The following RABGAP1 variants were observed in gnomAD, a reference collection of about 807,000 sequenced individuals.
RABGAP1 encodes RAB GTPase activating protein 1.
RABGAP1 carries 23 observed loss-of-function variants against 137.6 expected under a neutral mutation model. That is an observed-to-expected ratio of 0.17 (90% CI 0.12 to 0.24). The LOEUF is 0.24. Among genes scored for constraint, RABGAP1 ranks in the 10% least tolerant of loss-of-function variants. RABGAP1 has a pLI of 1.00. For synonymous variants in RABGAP1, 451 were observed against 450.7 expected (o/e 1.00, Z -0.01); for missense variants, 906 against 1,275.8 (o/e 0.71, Z 4.42).
chr9:122,953,877 G>A (rs1196562328), intron 1 of RABGAP1, among the ~76,000 whole-genome samples: 1 of 152,086 alleles, frequency 6.6e-6, no homozygotes, highest in East Asian at 1.9e-4. Context: ...AAATAGTTGA[G>A]CACCTGCTAT....
intron 1 of RABGAP1, among the ~76,000 whole-genome samples, chr9:122,948,170 T>C (rs1400530668): frequency 2.0e-5 from 3 of 152,176 alleles, no homozygotes; most frequent in African/African-American, 4.8e-5. Flanking sequence ...ACAGGAATTA[T>C]CCTGCTACAG....
intron 10 of RABGAP1, among the ~76,000 whole-genome samples, chr9:123,010,018 C>G (rs2030655534): frequency 6.6e-6 from 1 of 152,130 alleles, no homozygotes; most frequent in Non-Finnish European, 1.5e-5. Flanking sequence ...GAACTGTTAG[C>G]TCTTTAGTTG....
chr9:122,994,412 C>G (rs1836912868), intron 6 of RABGAP1, among the ~76,000 whole-genome samples: 1 of 152,220 alleles, frequency 6.6e-6, no homozygotes, highest in Non-Finnish European at 1.5e-5. Flanking sequence ...GAGACCCTTC[C>G]ATTTCCTTAT....
intron 10 of RABGAP1, among the ~76,000 whole-genome samples, chr9:123,010,082 C>A (rs2131875272): frequency 6.6e-6 from 1 of 152,150 alleles, no homozygotes; most frequent in Non-Finnish European, 1.5e-5. Context: ...TGAAGACAAA[C>A]CAATATGGTT....
intron 7 of RABGAP1, 187 bp downstream of exon 7, chr9:122,996,338 C>T: frequency 8.4e-7 from 1 of 1,193,272 alleles, no homozygotes; most frequent in Non-Finnish European, 1.1e-6. Context: ...CTAATACGCT[C>T]TCTTCAACTA....
Position 122,949,438 on chromosome 9 carries a change from T to G in RABGAP1, c.-49-7573T>G, listed in dbSNP as rs149896945. Among the ~76,000 whole-genome samples, 1,350 of 152,028 alleles carry G rather than the reference T, an allele frequency of 8.9e-3. 16 individuals carry two copies. The highest frequency in any genetic ancestry group is 0.031 in the African/African-American group (1,276 of 41,474). ...CTGAGGCAGGAAAATCGCTTGAACC[T>G]GGGAGGCGGAGGTTACAGTGAGCTG... On this transcript the variant is annotated intron_variant, in intron 1 of 25. Transcript: ENST00000373647.
intron 13 of RABGAP1, among the ~76,000 whole-genome samples, chr9:123,055,821 G>A (rs1465560442): frequency 6.6e-6 from 1 of 152,088 alleles, no homozygotes; most frequent in East Asian, 1.9e-4. Flanking sequence ...AGAGTGCTGG[G>A]AGTACAGGCG....
At chr9:123,020,804 G>A in intron 13 of RABGAP1, 1 of 508,478 alleles carries the variant, frequency 2.0e-6, no homozygotes, top group Non-Finnish European at 2.5e-6. Flanking sequence ...ACAGAAATGT[G>A]CTCTTGGTAG....
At chr9:122,945,147 C>CTTTTCTTTTTTTTTTTTTTTTTT (rs1833873274) in intron 1 of RABGAP1, among the ~76,000 whole-genome samples, 1 of 75,770 alleles carries the variant, frequency 1.3e-5, no homozygotes. Flanking sequence ...ATAGCTGTTG[C>CTTTTCTTTTTTTTTTTTTTTTTT]TTTTTTTTTT....
intron 19 of RABGAP1, among the ~76,000 whole-genome samples, chr9:123,081,737 C>T (rs931199587): frequency 6.6e-6 from 1 of 152,124 alleles, no homozygotes; most frequent in East Asian, 1.9e-4. Flanking sequence ...GCCACTGCGC[C>T]GACCATTGTT....
chr9:122,993,358 T>G (rs1564386487), intron 6 of RABGAP1, among the ~76,000 whole-genome samples: 1 of 152,086 alleles, frequency 6.6e-6, no homozygotes. Context: ...TGCAACCTCC[T>G]TCTCCCGGGT....
chr9:122,989,196 T>A, intron 4 of RABGAP1, 101 bp from the exon 5 acceptor site: 1 of 1,085,120 alleles, frequency 9.2e-7, no homozygotes, highest in East Asian at 2.4e-5. Flanking sequence ...ACCAAATATA[T>A]GATCTTCTTA....
chr9:122,977,908 C>T (rs1289909004), intron 2 of RABGAP1, among the ~76,000 whole-genome samples: 5 of 152,128 alleles, frequency 3.3e-5, no homozygotes, highest in Non-Finnish European at 5.9e-5. Flanking sequence ...ATGCCAAAGA[C>T]AGAATCCTGG....
intron 1 of RABGAP1, among the ~76,000 whole-genome samples, chr9:122,947,728 G>A (rs889995322): frequency 3.3e-5 from 5 of 152,280 alleles, no homozygotes; most frequent in African/African-American, 7.2e-5. Flanking sequence ...GTAGGCCCAA[G>A]ATGATTGTTT....
chr9:123,029,522 T>G, intron 13 of RABGAP1: 1 of 838,990 alleles, frequency 1.2e-6, no homozygotes, highest in Non-Finnish European at 2.1e-6. Context: ...ACCTCAAATC[T>G]TCAGTCTCTT....
chr9:122,943,874 A>G (rs866631286), intron 1 of RABGAP1, among the ~76,000 whole-genome samples: 44 of 152,118 alleles, frequency 2.9e-4, no homozygotes, highest in Middle Eastern at 3.4e-3. Context: ...AATGGCGTGA[A>G]CCCGGGAGGC....
chr9:123,088,325 C>T (rs1402788928), intron 19 of RABGAP1, among the ~76,000 whole-genome samples: 1 of 152,106 alleles, frequency 6.6e-6, no homozygotes, highest in Non-Finnish European at 1.5e-5. Flanking sequence ...GCTGAGATTA[C>T]AGGTGTGAGC....
chr9:122,997,550 T>C (rs1837093073), intron 9 of RABGAP1, among the ~76,000 whole-genome samples, 189 bp downstream of exon 9: 1 of 150,936 alleles, frequency 6.6e-6, no homozygotes, highest in East Asian at 1.9e-4. Context: ...CACTTTTCCA[T>C]CCTTTTTTTC....
chr9:123,051,781 TTTATTTTATTTTA>T (rs2033486534), intron 13 of RABGAP1, among the ~76,000 whole-genome samples: 1 of 150,104 alleles, frequency 6.7e-6, no homozygotes, highest in African/African-American at 2.4e-5. Context: ...TTTATTTTAT[TTTATTTTATTTTA>T]TTATTATCTT....
Sources: gnomAD v4.1 joint callset for allele counts (sites outside exome capture counted in the v4.1 genomes callset) on GRCh38, gnomAD v4.1.1 for gene constraint, MANE v1.5 for transcripts, NCBI Gene and HGNC (gene_info 2026-07-23, HGNC 2026-07-21) for gene names.